Variants in ALLC observed in about 807,000 individuals in gnomAD.
ALLC encodes the protein probable inactive allantoicase.
ALLC carries 40 observed loss-of-function variants against 45.0 expected under a neutral mutation model. The observed-to-expected ratio is 0.89, with a 90% CI of 0.69 to 1.16. The LOEUF is 1.16. Ranked by LOEUF, ALLC falls within the 50% of genes most tolerant of loss-of-function variation. ALLC has a pLI of 0.00. For synonymous variants in ALLC, 176 were observed against 178.1 expected (o/e 0.99, Z 0.09); for missense variants, 488 against 493.1 (o/e 0.99, Z 0.10).
chr2:3,683,498 T>G (rs1483219966), intron 7 of ALLC, among the ~76,000 whole-genome samples: 1 of 152,196 alleles, frequency 6.6e-6, no homozygotes, highest in Non-Finnish European at 1.5e-5. Context: ...CACCATACCT[T>G]TAGAACATTT....
At chr2:3,689,891 G>GTGT (rs1667425222) in intron 7 of ALLC, among the ~76,000 whole-genome samples, 1 of 148,288 alleles carries the variant, frequency 6.7e-6, no homozygotes, top group Non-Finnish European at 1.5e-5. Context: ...GAAAGCTCTG[G>GTGT]TGTTGGACAC....
rs750935372 is a variant in ALLC, at chr2:3,679,925, G to T, written c.229G>T (p.Val77Leu). The change falls in exon 5 of 12, where the codon GTG becomes TTG. Residue 77 changes from valine to leucine, a missense_variant. Transcript: ENST00000252505. ...CCAAGGAGTCATCCGGGGCTTCGAC[G>T]TGGACGTTTCTTACTTCACGGGAGA... Reference protein sequence around the residue: ...GIQGVIRGFDVDVSYFTGDYA... With the variant: ...GIQGVIRGFDLDVSYFTGDYA... 6.2e-7 allele frequency: 1 copy of T among 1,614,010 alleles called. No individual in the cohort carries two copies. Among genetic ancestry groups the T allele is most frequent in the Admixed American group, 1.7e-5 (1 of 60,024 alleles).
At chr2:3,691,375 T>C (rs1667513303) in intron 7 of ALLC, among the ~76,000 whole-genome samples, 1 of 151,990 alleles carries the variant, frequency 6.6e-6, no homozygotes. Flanking sequence ...CACATCAGCA[T>C]CCCAAGTAGC....
the ALLC span, among the ~76,000 whole-genome samples, chr2:3,647,800 C>T: frequency 2.0e-5 from 3 of 152,184 alleles, no homozygotes; most frequent in Non-Finnish European, 2.9e-5. Context: ...AACGCATCCT[C>T]TCCTGATGGA....
chr2:3,648,926 T>C, the ALLC span, among the ~76,000 whole-genome samples: 3 of 152,188 alleles, frequency 2.0e-5, no homozygotes, highest in African/African-American at 4.8e-5. Flanking sequence ...GAGGATTACA[T>C]GACACGATGT....
chr2:3,687,505 A>G (rs1317241190), intron 7 of ALLC, among the ~76,000 whole-genome samples: 2 of 150,990 alleles, frequency 1.3e-5, no homozygotes, highest in Non-Finnish European at 3.0e-5. Context: ...AGTTTGAGTA[A>G]AATTGGTATT....
chr2:3,681,692 G>C lies in ALLC; in HGVS notation c.357G>C (p.Glu119Asp), dbSNP rs1169943746. ...GTRTGAAATP[E>D]EFEAIAELKS... ...GGACAGGAGCTGCAGCCACTCCTGA[G>C]GAGTTTGAAGCCATTGCTGAGGTAC... is the stretch of plus-strand genomic sequence containing the variant. The change falls in exon 6 of 12, where the codon GAG becomes GAC. Residue 119 changes from glutamate (E) to aspartate (D), a missense_variant. Glu to Asp is a conservative substitution (Grantham distance 45). Coordinates refer to ENST00000252505, the MANE Select transcript of ALLC (RefSeq NM_018436.4). 6.2e-7 allele frequency: 1 copy of C among 1,610,580 alleles called. No individual in the cohort carries two copies. Among genetic ancestry groups the C allele is most frequent in the Non-Finnish European group, 8.5e-7 (1 of 1,178,310 alleles).
the ALLC span, among the ~76,000 whole-genome samples, chr2:3,652,176 C>T: frequency 6.6e-6 from 1 of 152,252 alleles, no homozygotes; most frequent in Non-Finnish European, 1.5e-5. Context: ...CCGCCCACCA[C>T]GACCTGCAAG....
upstream of ALLC, among the ~76,000 whole-genome samples, chr2:3,654,239 C>T (rs1666393739): frequency 7.2e-6 from 1 of 138,130 alleles, no homozygotes; most frequent in African/African-American, 3.5e-5. Flanking sequence ...ATCCAAGAGC[C>T]CTTGATGGGA....
In ALLC at chr2:3,696,445, C is replaced by A. The variant is rs1030358593; in HGVS notation, c.741+97C>A. 1.5e-5 allele frequency: 14 copies of A among 950,726 alleles called. No individual in the cohort carries two copies. In the African/African-American group the frequency reaches 2.0e-4, roughly 14 times the overall value. 58.9% of individuals were successfully genotyped at this position (950,726 alleles called of 1,614,324 possible). ...AAACTTTTGCACATTTTAGAAACCT[C>A]ATATGCATTGTTCTAAATGCTAATT... On this transcript the variant is annotated intron_variant, in intron 9 of 11. Transcript: ENST00000252505.
At chr2:3,679,176 G>A (rs1333005120) in intron 4 of ALLC, among the ~76,000 whole-genome samples, 1 of 152,184 alleles carries the variant, frequency 6.6e-6, no homozygotes, top group East Asian at 1.9e-4. Flanking sequence ...AGAAATATTT[G>A]ATATTTCTAG....
At chr2:3,649,310 C>T in the ALLC span, among the ~76,000 whole-genome samples, 7 of 150,638 alleles carry the variant, frequency 4.6e-5, no homozygotes, top group East Asian at 2.0e-4. Flanking sequence ...GGTGCGATCT[C>T]GGCTCACTGC....
intron 1 of ALLC, among the ~76,000 whole-genome samples, chr2:3,665,741 C>G (rs1666688216): frequency 6.6e-6 from 1 of 152,136 alleles, no homozygotes; most frequent in African/African-American, 2.4e-5. Flanking sequence ...GATTCCGTGT[C>G]TTTGCTATTG....
chr2:3,681,108 C>T (rs547874949), intron 5 of ALLC, among the ~76,000 whole-genome samples: 35 of 152,254 alleles, frequency 2.3e-4, no homozygotes, highest in African/African-American at 8.4e-4. Context: ...TCTGTGGACA[C>T]GAACGGGCCC....
At chr2:3,669,845 AGGC>A (rs1277432705) in intron 1 of ALLC, among the ~76,000 whole-genome samples, 1 of 152,150 alleles carries the variant, frequency 6.6e-6, no homozygotes, top group Non-Finnish European at 1.5e-5. Context: ...GCCAGAGCTG[AGGC>A]TTGGACCTGT....
intron 3 of ALLC, among the ~76,000 whole-genome samples, chr2:3,674,660 T>G (rs12711967): frequency 6.6e-6 from 1 of 151,922 alleles, no homozygotes; most frequent in Non-Finnish European, 1.5e-5. Flanking sequence ...CTGGCCTCCA[T>G]TGTGGGCAGC....
chr2:3,668,652 C>T (rs372845239), intron 1 of ALLC, among the ~76,000 whole-genome samples: 6 of 144,850 alleles, frequency 4.1e-5, no homozygotes, highest in East Asian at 2.0e-4. Flanking sequence ...CTCGGCTCAC[C>T]GCAAACTCCG....
chr2:3,685,774 G>GAGAAA lies in ALLC; in HGVS notation c.511+2700_511+2701insAGAAA, dbSNP rs1667322262. Among the ~76,000 whole-genome samples, 2 of 150,980 alleles carry GAGAAA rather than the reference G, an allele frequency of 1.3e-5. 1 individual carries two copies. The highest frequency in any genetic ancestry group is 3.9e-4 in the East Asian group (2 of 5,082). The stretch of plus-strand genomic sequence containing the variant: ...TAAAAAATATACCTGTTGCCCATTT[G>GAGAAA]TATGCCTTCTTTTGAGAAATATCTA... On this transcript the variant is annotated intron_variant, in intron 7 of 11. Coordinates refer to ENST00000252505, the MANE Select transcript of ALLC (RefSeq NM_018436.4).
At chr2:3,669,329 C>T (rs1367500209) in intron 1 of ALLC, among the ~76,000 whole-genome samples, 1 of 152,156 alleles carries the variant, frequency 6.6e-6, no homozygotes, top group Non-Finnish European at 1.5e-5. Flanking sequence ...AAAAAATTAG[C>T]CAGGCGTGGT....
Sources: gnomAD v4.1 joint callset for allele counts (sites outside exome capture counted in the v4.1 genomes callset) on GRCh38, gnomAD v4.1.1 for gene constraint, MANE v1.5 for transcripts, NCBI Gene and HGNC (gene_info 2026-07-23, HGNC 2026-07-21) for gene names.